PCDH15: variants seen among roughly 807,000 people sequenced by gnomAD.
PCDH15 encodes protocadherin-15.
Under a neutral mutation model 178.5 loss-of-function variants are expected in PCDH15, and 129 were observed. The observed-to-expected ratio is 0.72, with a 90% CI of 0.63 to 0.84. The LOEUF is 0.84. PCDH15 is among the 40% of genes least tolerant of loss of function. PCDH15 has a pLI of 0.00. For synonymous variants in PCDH15, 800 were observed against 732.0 expected, an observed-to-expected ratio of 1.09 and a Z score of -1.50; for missense variants, 2,230 against 2,099.9, an observed-to-expected ratio of 1.06 and a Z score of -1.21.
At position 55,584,777 on chromosome 10, in the gene PCDH15, T is replaced by C. The variant is rs1355710556; in HGVS notation, c.-156+42848A>G. 2.0e-5 allele frequency among the ~76,000 whole-genome samples: 3 copies of C among 151,636 alleles called. No individual in the cohort carries two copies. In the East Asian group the frequency reaches 5.8e-4, roughly 29 times the overall value. ...GATAGATATAAATATCTTATATTTA[T>C]TATTAGGATTTTGTTGAAGATCACA... On this transcript the variant is annotated intron_variant, in intron 2 of 5. Coordinates refer to the PCDH15 transcript ENST00000613346.
intron 1 of PCDH15, among the ~76,000 whole-genome samples, chr10:54,751,289 G>A (rs1040729322): frequency 2.6e-5 from 4 of 152,030 alleles, no homozygotes; most frequent in African/African-American, 7.2e-5. Context: ...TTTGACTGAC[G>A]TATTTCACCA....
At chr10:54,027,465 T>C (rs28804117) in intron 18 of PCDH15, among the ~76,000 whole-genome samples, 1 of 152,072 alleles carries the variant, frequency 6.6e-6, no homozygotes, top group African/African-American at 2.4e-5. Flanking sequence ...GGAACCAAAA[T>C]AGAGCCTTCA....
At position 54,899,006 on chromosome 10, in the gene PCDH15, T is replaced by C. The variant is rs185884888; in HGVS notation, c.-79-1506A>G. 8.5e-5 allele frequency among the ~76,000 whole-genome samples: 13 copies of C among 152,156 alleles called. No individual in the cohort carries two copies. The East Asian group carries it at 2.1e-3, about 25-fold the overall frequency. On this transcript the variant is annotated intron_variant, in intron 2 of 5. Coordinates refer to the PCDH15 transcript ENST00000458638. ...AACTCCATTTTTCTGCAAGATAGAG[T>C]CTTGCTTAAGTCATGCAGCACATTC...
chr10:53,944,812 G>C (rs187043726), intron 23 of PCDH15, among the ~76,000 whole-genome samples: 17 of 152,326 alleles, frequency 1.1e-4, no homozygotes, highest in Admixed American at 5.2e-4. Flanking sequence ...TGGAACATGG[G>C]AGAGGCTAGT....
chr10:53,896,637 G>A (rs2081971375), intron 26 of PCDH15, among the ~76,000 whole-genome samples: 2 of 152,186 alleles, frequency 1.3e-5, no homozygotes, highest in Non-Finnish European at 2.9e-5. Flanking sequence ...ACAGCAGGAA[G>A]TGAGTGGTGG....
intron 1 of PCDH15, among the ~76,000 whole-genome samples, chr10:54,682,593 A>G (rs1367162195): frequency 6.6e-6 from 1 of 152,186 alleles, no homozygotes; most frequent in Admixed American, 6.5e-5. Flanking sequence ...ATATGTAAGA[A>G]TCACTTTCCT....
At chr10:54,215,345 G>GA (rs35866961) in intron 9 of PCDH15, among the ~76,000 whole-genome samples, 6 of 151,444 alleles carry the variant, frequency 4.0e-5, no homozygotes, top group African/African-American at 9.7e-5. Context: ...AAATGAGGGG[G>GA]AAAAAAAACA....
At chr10:54,733,919 T>C (rs1051638493) in intron 1 of PCDH15, among the ~76,000 whole-genome samples, 1 of 151,530 alleles carries the variant, frequency 6.6e-6, no homozygotes, top group Non-Finnish European at 1.5e-5. Context: ...TCACCTGTAC[T>C]TCACATTTTT....
chr10:55,400,441 G>A (rs138445864), intron 2 of PCDH15, among the ~76,000 whole-genome samples: 1 of 152,244 alleles, frequency 6.6e-6, no homozygotes, highest in East Asian at 1.9e-4. Context: ...TTCTAACAGA[G>A]TGTTTCCTAA....
chr10:55,142,632 G>T (rs553003032), intron 2 of PCDH15, among the ~76,000 whole-genome samples: 289 of 100,810 alleles, frequency 2.9e-3, no homozygotes, highest in African/African-American at 7.2e-3. Flanking sequence ...AAATATATTT[G>T]TACTCCTATG....
At chr10:55,264,047 C>T (rs969173871) in intron 1 of PCDH15, among the ~76,000 whole-genome samples, 14 of 152,046 alleles carry the variant, frequency 9.2e-5, no homozygotes, top group African/African-American at 3.1e-4. Context: ...TTTTCCTTTT[C>T]TAAGTGAGGG....
chr10:54,148,079 C>T (rs912883771), intron 14 of PCDH15, among the ~76,000 whole-genome samples: 4 of 151,966 alleles, frequency 2.6e-5, no homozygotes, highest in Admixed American at 2.6e-4. Context: ...CTAGTGTATG[C>T]TCAATAAGTA....
chr10:55,241,967 G>GTGA (rs1181967562), intron 1 of PCDH15, among the ~76,000 whole-genome samples: 1 of 152,134 alleles, frequency 6.6e-6, no homozygotes, highest in Non-Finnish European at 1.5e-5. Flanking sequence ...TGAGAGTGAA[G>GTGA]TGATAAAGAT....
chr10:54,828,492 T>G (rs1173024301), intron 3 of PCDH15, among the ~76,000 whole-genome samples: 4 of 151,912 alleles, frequency 2.6e-5, no homozygotes, highest in African/African-American at 9.7e-5. Flanking sequence ...TGTATGTGTA[T>G]GTGTATGTGT....
At chr10:53,884,728 C>G (rs1223488232) in intron 26 of PCDH15, among the ~76,000 whole-genome samples, 2 of 152,128 alleles carry the variant, frequency 1.3e-5, no homozygotes, top group African/African-American at 4.8e-5. Context: ...GAAGACAAAA[C>G]TGGCAGGACA....
intron 20 of PCDH15, among the ~76,000 whole-genome samples, chr10:53,998,317 GA>G (rs1324856305): frequency 2.0e-5 from 3 of 152,004 alleles, no homozygotes; most frequent in African/African-American, 4.8e-5. Context: ...TTTACAACTT[GA>G]AAAACCTTAT....
At chr10:53,980,157 G>A (rs2090509806) in intron 21 of PCDH15, among the ~76,000 whole-genome samples, 1 of 150,514 alleles carries the variant, frequency 6.6e-6, no homozygotes, top group South Asian at 2.1e-4. Flanking sequence ...GGGGCAGGAG[G>A]TTGCAGTGAG....
chr10:54,767,872 T>C (rs541654753), intron 1 of PCDH15, among the ~76,000 whole-genome samples: 1 of 152,194 alleles, frequency 6.6e-6, no homozygotes, highest in South Asian at 2.1e-4. Flanking sequence ...AAATGTAACA[T>C]AGTGTCCTGG....
intron 2 of PCDH15, among the ~76,000 whole-genome samples, chr10:55,507,180 A>C: frequency 6.6e-6 from 1 of 151,670 alleles, no homozygotes; most frequent in East Asian, 1.9e-4. Flanking sequence ...TAAATGAAAA[A>C]AGCGCATGCA....
Sources: gnomAD v4.1 joint callset for allele counts (sites outside exome capture counted in the v4.1 genomes callset) on GRCh38, gnomAD v4.1.1 for gene constraint, MANE v1.5 for transcripts, NCBI Gene and HGNC (gene_info 2026-07-23, HGNC 2026-07-21) for gene names.